Variants in MGAT4A observed in about 807,000 individuals in gnomAD.
MGAT4A encodes N-acetylglucosaminyltransferase IVa.
MGAT4A carries 33 observed loss-of-function variants against 74.1 expected under a neutral mutation model. The ratio of observed to expected loss-of-function variants is 0.45; its 90% CI spans 0.34 to 0.60. The LOEUF is 0.60. Among genes scored for constraint, MGAT4A ranks in the 20% least tolerant of loss-of-function variants. The pLI is 0.02. For synonymous variants in MGAT4A, 198 were observed against 210.4 expected, an observed-to-expected ratio of 0.94 and a Z score of 0.51; for missense variants, 479 against 628.3, an observed-to-expected ratio of 0.76 and a Z score of 2.54.
intron 4 of MGAT4A, chr2:98,663,454 G>A (rs1421723956): frequency 4.1e-6 from 6 of 1,465,820 alleles, no homozygotes; most frequent in South Asian, 1.4e-5. Flanking sequence ...AGTATAAACA[G>A]CAAACTGTAT....
rs1221019235 is a variant in MGAT4A at position 98,685,062 on chromosome 2, C to T, written c.95-6591G>A. Among the ~76,000 whole-genome samples the T allele has an allele frequency of 2.0e-5, 3 of 151,926 alleles. 1 individual carries two copies. The highest frequency in any genetic ancestry group is 7.3e-5 in the African/African-American group (3 of 41,360). On this transcript the variant is annotated intron_variant, in intron 2 of 15. Transcript: ENST00000393487. ...GACCAGCCTGGGCAAAATAGGGAGACCTTGTCTCTACAACAAATTTTCAAA... is the reference window on the plus strand; with the variant it reads ...GACCAGCCTGGGCAAAATAGGGAGATCTTGTCTCTACAACAAATTTTCAAA...
chr2:98,661,941 C>A (rs1021454942), intron 5 of MGAT4A, among the ~76,000 whole-genome samples: 1 of 151,914 alleles, frequency 6.6e-6, no homozygotes, highest in Non-Finnish European at 1.5e-5. Flanking sequence ...GAGAAAATAT[C>A]AGATAAATCC....
At chr2:98,636,630 C>A in intron 12 of MGAT4A, 35 bp from the exon 13 acceptor site, 1 of 1,565,636 alleles carries the variant, frequency 6.4e-7, no homozygotes, top group South Asian at 1.1e-5. Context: ...AAACACAAGT[C>A]GGGCTAGATT....
At chr2:98,675,551 C>CTT (rs143576109) in intron 3 of MGAT4A, among the ~76,000 whole-genome samples, 31,079 of 144,026 alleles carry the variant, frequency 0.22, 4,066 homozygotes, top group Non-Finnish European at 0.3. Context: ...CTTCCATTTT[C>CTT]TTTTTTTTTT....
rs773118466 is a variant in MGAT4A at position 98,663,171 on chromosome 2, C to G, written c.412G>C (p.Val138Leu). 6.3e-7 allele frequency: 1 copy of G among 1,575,640 alleles called. No individual in the cohort carries two copies. Among genetic ancestry groups the G allele is most frequent in the Non-Finnish European group, 8.6e-7 (1 of 1,164,384 alleles). ...CTCTTCACTGTGGGAATGCCCATGA[C>G]TATTGAAACTGGAAAAAAAAATAGT... ...IGNGRTGVSI[V>L]MGIPTVKREV... Residue 138 changes from valine to leucine, a missense_variant, in exon 5 of 16, where the codon GTC becomes CTC. By Grantham distance (32) the Val-to-Leu change is conservative (BLOSUM62 1). Around this residue, in one of 3 missense-constraint regions of MGAT4A, gnomAD observed 205 missense variants for 232.7 expected, o/e 0.88. Coordinates refer to ENST00000393487, the MANE Select transcript of MGAT4A (RefSeq NM_012214.3).
At chr2:98,665,101 G>A (rs947772750) in intron 4 of MGAT4A, among the ~76,000 whole-genome samples, 12 of 151,884 alleles carry the variant, frequency 7.9e-5, no homozygotes, top group African/African-American at 1.9e-4. Flanking sequence ...AGGCCGAGGC[G>A]GGTGGATCAC....
intron 3 of MGAT4A, among the ~76,000 whole-genome samples, chr2:98,677,857 GTT>G (rs1386783676): frequency 6.9e-6 from 1 of 144,202 alleles, no homozygotes; most frequent in Non-Finnish European, 1.5e-5. Context: ...TTGTGTGGTG[GTT>G]TTTCTCTCTG....
In MGAT4A at chr2:98,625,339, T is replaced by C; in HGVS notation, c.*227A>G. The stretch of plus-strand genomic sequence containing the variant: ...AATAGTACAAGTCATATTAACAGGC[T>C]GTCATAATTGAAAAATGTTTGAGTC... On this transcript the variant is annotated 3_prime_UTR_variant, in exon 16 of 16. Coordinates refer to ENST00000393487, the MANE Select transcript of MGAT4A (RefSeq NM_012214.3). 1 of 1,314,362 alleles carries C rather than the reference T, an allele frequency of 7.6e-7. No individual in the cohort carries two copies. Among genetic ancestry groups the C allele is most frequent in the Non-Finnish European group, 9.8e-7 (1 of 1,019,646 alleles). 81.4% of individuals were successfully genotyped at this position (1,314,362 alleles called of 1,614,324 possible). A position where few individuals can be genotyped will look rare whatever the true frequency, so the allele number is the denominator to read the frequency against.
rs1182560164 is a variant in MGAT4A, at chr2:98,658,157, A to G, written c.584+61T>C. 4.6e-6 allele frequency: 5 copies of G among 1,085,632 alleles called. No homozygotes were observed. The East Asian group carries it at 7.3e-5, about 16-fold the overall frequency. 67.2% of individuals were successfully genotyped at this position (1,085,632 alleles called of 1,614,324 possible). A position where few individuals can be genotyped will look rare whatever the true frequency, so the allele number is the denominator to read the frequency against. ...TCAAGGAAGGCATTTTCTTTTAGCA[A>G]GAAACCCAAGAGATAATAGTAACCA... On this transcript the variant is annotated intron_variant, in intron 6 of 15. Transcript: ENST00000393487.
intron 2 of MGAT4A, among the ~76,000 whole-genome samples, chr2:98,686,540 G>GT (rs1054890810): frequency 1.3e-5 from 2 of 151,164 alleles, no homozygotes; most frequent in African/African-American, 4.9e-5. Context: ...TTTTTTTTTG[G>GT]TTTTTTGGTG....
At chr2:98,705,831 T>A (rs1702418887) in intron 2 of MGAT4A, among the ~76,000 whole-genome samples, 1 of 151,516 alleles carries the variant, frequency 6.6e-6, no homozygotes, top group Non-Finnish European at 1.5e-5. Flanking sequence ...TAGTCCCAGC[T>A]ACTCGGGGGC....
At chr2:98,665,633 A>AGGT (rs1421631467) in intron 4 of MGAT4A, among the ~76,000 whole-genome samples, 1 of 152,264 alleles carries the variant, frequency 6.6e-6, no homozygotes, top group African/African-American at 2.4e-5. Context: ...AACATAGGTA[A>AGGT]GGTCCCTGCC....
chr2:98,705,923 T>C (rs950364598), intron 2 of MGAT4A, among the ~76,000 whole-genome samples: 1 of 124,926 alleles, frequency 8.0e-6, no homozygotes, highest in Non-Finnish European at 1.6e-5. Context: ...CAGTCCGACC[T>C]GGGCGACAGA....
At chr2:98,645,388 G>A (rs776202392) in intron 9 of MGAT4A, 40 bp downstream of exon 9, 11 of 1,381,128 alleles carry the variant, frequency 8.0e-6, no homozygotes, top group Middle Eastern at 1.8e-4. Context: ...GAGAGTCACA[G>A]TTATTTATGA....
chr2:98,660,756 C>T (rs183821358), intron 5 of MGAT4A, among the ~76,000 whole-genome samples: 61 of 152,210 alleles, frequency 4.0e-4, no homozygotes, highest in Admixed American at 1.8e-3. Flanking sequence ...CTTCAACTCA[C>T]GTGAAATATA....
At chr2:98,690,085 A>C (rs1052384278) in intron 2 of MGAT4A, among the ~76,000 whole-genome samples, 4 of 151,978 alleles carry the variant, frequency 2.6e-5, no homozygotes, top group Non-Finnish European at 5.9e-5. Flanking sequence ...AGGACAGAAA[A>C]CGTCAGACAA....
At chr2:98,696,693 G>A (rs975366872) in intron 2 of MGAT4A, among the ~76,000 whole-genome samples, 4 of 152,154 alleles carry the variant, frequency 2.6e-5, no homozygotes, top group Non-Finnish European at 5.9e-5. Flanking sequence ...TTGTTCTTTA[G>A]GGGTGGACCA....
chr2:98,730,326 A>T (rs1209768399), intron 1 of MGAT4A: 2 of 152,156 alleles, frequency 1.3e-5, no homozygotes, highest in African/African-American at 2.4e-5. Flanking sequence ...CGCCTCCGAG[A>T]TGTCACCTGG....
rs529856511 is a variant in MGAT4A, at chr2:98,646,460, T to TC, written c.775-919dup. Among the ~76,000 whole-genome samples the TC allele has an allele frequency of 2.0e-5, 3 of 152,012 alleles. No homozygotes were observed. In the South Asian group the frequency reaches 6.2e-4, roughly 32 times the overall value. On this transcript the variant is annotated intron_variant, in intron 8 of 15. Transcript: ENST00000393487. ...GGCTCACGCCTGTAATCCCAGCACT[T>TC]CGGGGGGCCCAAGCAGGTAGATGGC...
Sources: gnomAD v4.1 joint callset for allele counts (sites outside exome capture counted in the v4.1 genomes callset) on GRCh38, gnomAD v4.1.1 for gene constraint, gnomAD v4.1.1 regional missense constraint, MANE v1.5 for transcripts, NCBI Gene and HGNC (gene_info 2026-07-23, HGNC 2026-07-21) for gene names.